Variants in PDE12 observed in about 807,000 individuals in gnomAD.
PDE12 encodes 2',5'-phosphodiesterase 12.
A neutral mutation model predicts 45.4 loss-of-function variants in PDE12; 26 were observed. That is an observed-to-expected ratio of 0.57 (90% CI 0.42 to 0.79). The LOEUF (loss-of-function observed/expected upper bound fraction) is 0.79. Ranked by LOEUF, PDE12 falls within the 30% of genes least tolerant of loss-of-function variation. PDE12 has a pLI of 0.00. For missense variants in PDE12, 668 were observed against 790.0 expected (o/e 0.85, Z 1.85); for synonymous variants, 283 against 323.9 (o/e 0.87, Z 1.36).
At chr3:57,642,313 C>CAAAAA in the PDE12 span, among the ~76,000 whole-genome samples, 2 of 67,556 alleles carry the variant, frequency 3.0e-5, no homozygotes, top group Non-Finnish European at 5.3e-5. Context: ...GACTCTGTCT[C>CAAAAA]AAAAAAAAAA....
chr3:57,648,597 C>T, the PDE12 span, among the ~76,000 whole-genome samples: 4 of 152,144 alleles, frequency 2.6e-5, no homozygotes, highest in Non-Finnish European at 4.4e-5. Flanking sequence ...GGAAGCAATA[C>T]ATTATCTGCC....
the PDE12 span, among the ~76,000 whole-genome samples, chr3:57,637,212 C>G: frequency 6.6e-6 from 1 of 152,154 alleles, no homozygotes; most frequent in Non-Finnish European, 1.5e-5. Context: ...TGATATTTAC[C>G]TGGTATGCAC....
the PDE12 span, chr3:57,654,925 T>C: frequency 2.6e-6 from 1 of 388,698 alleles, no homozygotes; most frequent in South Asian, 1.1e-4. Context: ...AAAAGCACAG[T>C]CACAAATAAA....
At chr3:57,627,396 G>C in the PDE12 span, 1 of 151,990 alleles carries the variant, frequency 6.6e-6, no homozygotes, top group East Asian at 1.9e-4. Flanking sequence ...TGTCCACCTT[G>C]GCCTCCCAAA....
chr3:57,617,568 C>T, the PDE12 span, among the ~76,000 whole-genome samples: 1 of 152,040 alleles, frequency 6.6e-6, no homozygotes, highest in African/African-American at 2.4e-5. Context: ...AGGTGCCCAT[C>T]AAGAGTGGAT....
chr3:57,618,504 C>G, the PDE12 span, among the ~76,000 whole-genome samples: 5 of 151,806 alleles, frequency 3.3e-5, no homozygotes, highest in Admixed American at 3.3e-4. Flanking sequence ...TCACTGCAGC[C>G]TCAACCTCCC....
the PDE12 span, chr3:57,596,683 C>G: frequency 5.0e-6 from 1 of 200,210 alleles, no homozygotes; most frequent in African/African-American, 2.4e-5. Context: ...TGCTCTGCCT[C>G]CCTCCTGACC....
At chr3:57,567,886 G>A (rs2069800271), downstream of PDE12, among the ~76,000 whole-genome samples, 1 of 151,886 alleles carries the variant, frequency 6.6e-6, no homozygotes, top group African/African-American at 2.4e-5. Context: ...GGCCAACATG[G>A]TGAAACCCCA....
chr3:57,607,640 G>A, the PDE12 span, among the ~76,000 whole-genome samples: 3 of 152,132 alleles, frequency 2.0e-5, no homozygotes, highest in Admixed American at 2.0e-4. Context: ...AAGGGTATCA[G>A]TAATGGAAGA....
chr3:57,563,331 C>T lies in PDE12; in HGVS notation c.*3327C>T, dbSNP rs763207725. On this transcript the variant is annotated 3_prime_UTR_variant, in exon 3 of 3. Transcript: ENST00000311180. ...AGATTACAAGCCCAACCTTCCATAA[C>T]TGAAAACTAACTTTCTTTTTTTCTT... 6 of 152,142 alleles carry T rather than the reference C, an allele frequency of 3.9e-5. No homozygotes were observed. Among genetic ancestry groups the T allele is most frequent in the Non-Finnish European group, 8.8e-5 (6 of 68,024 alleles). 9.4% of individuals were successfully genotyped at this position (152,142 alleles called of 1,614,324 possible).
the PDE12 span, chr3:57,584,134 C>A: frequency 1.3e-6 from 1 of 749,124 alleles, no homozygotes; most frequent in South Asian, 1.9e-5. Context: ...ATATTTAAGC[C>A]TAAACATCAA....
chr3:57,576,624 T>C, the PDE12 span, among the ~76,000 whole-genome samples: 1 of 150,808 alleles, frequency 6.6e-6, no homozygotes, highest in Admixed American at 6.7e-5. Context: ...TGCCCTCTAA[T>C]CTTAGGAGGA....
the PDE12 span, among the ~76,000 whole-genome samples, chr3:57,632,101 C>T: frequency 4.8e-5 from 7 of 146,068 alleles, no homozygotes; most frequent in Non-Finnish European, 1.5e-5. Context: ...CTCACTGCAA[C>T]CTCCGCCTCC....
chr3:57,626,356 T>C, the PDE12 span: 6 of 152,246 alleles, frequency 3.9e-5, no homozygotes, highest in African/African-American at 1.2e-4. Context: ...TTTGGTTATT[T>C]AGAGGATAAT....
chr3:57,612,264 A>C, the PDE12 span, among the ~76,000 whole-genome samples: 1 of 121,278 alleles, frequency 8.2e-6, no homozygotes. Context: ...GGGGGGAGGG[A>C]TAGCATTAGG....
chr3:57,628,429 A>C, the PDE12 span: 12 of 1,486,914 alleles, frequency 8.1e-6, no homozygotes, highest in African/African-American at 2.8e-5. Context: ...ACCATTTTAA[A>C]GGTCTAACAA....
chr3:57,648,630 T>G, the PDE12 span, among the ~76,000 whole-genome samples: 1 of 152,114 alleles, frequency 6.6e-6, no homozygotes, highest in East Asian at 1.9e-4. Flanking sequence ...TGTAAAGCCA[T>G]AGTCATCAAA....
Position 57,561,013 on chromosome 3 carries a change from G to T in PDE12, c.*1009G>T. Reference sequence around the variant, plus strand: ...TATTTTTAGGATTTTAGTTTTTAGTGTATGGTACAAATGAACACAGTTTAT... The same window carrying T: ...TATTTTTAGGATTTTAGTTTTTAGTTTATGGTACAAATGAACACAGTTTAT... On this transcript the variant is annotated 3_prime_UTR_variant, in exon 3 of 3. Coordinates refer to ENST00000311180, the MANE Select transcript of PDE12 (RefSeq NM_177966.7). 1 of 976,710 alleles carries T rather than the reference G, an allele frequency of 1.0e-6. No homozygotes were observed. The highest frequency in any genetic ancestry group is 1.1e-4 in the East Asian group (1 of 8,758). The allele number at this position is 976,710 out of a possible 1,614,324, so 60.5% of individuals were successfully genotyped here.
chr3:57,650,352 A>C, the PDE12 span, among the ~76,000 whole-genome samples: 2 of 151,962 alleles, frequency 1.3e-5, no homozygotes, highest in African/African-American at 2.4e-5. Context: ...TTACTAACAG[A>C]GGTATTGATT....
Sources: gnomAD v4.1 joint callset for allele counts (sites outside exome capture counted in the v4.1 genomes callset) on GRCh38, gnomAD v4.1.1 for gene constraint, MANE v1.5 for transcripts, NCBI Gene and HGNC (gene_info 2026-07-23, HGNC 2026-07-21) for gene names.